Variants in SCNN1B observed in about 807,000 individuals in gnomAD.
SCNN1B encodes epithelial sodium channel subunit beta.
In SCNN1B, 46 loss-of-function variants were observed where a neutral mutation model predicts 65.3. The observed-to-expected ratio is 0.70, with a 90% confidence interval of 0.56 to 0.90. SCNN1B has a LOEUF of 0.90. Among genes scored for constraint, SCNN1B ranks in the 40% least tolerant of loss-of-function variants. The probability of loss-of-function intolerance (pLI) is 0.00; values close to 1 mark genes in which losing one functional copy is unlikely to be tolerated. For missense variants in SCNN1B, 751 were observed against 830.5 expected, an observed-to-expected ratio of 0.90 and a Z score of 1.18; for synonymous variants, 349 against 330.6, an observed-to-expected ratio of 1.06 and a Z score of -0.60.
At chr16:23,313,813 T>C (rs1255964829) in intron 1 of SCNN1B, among the ~76,000 whole-genome samples, 1 of 152,202 alleles carries the variant, frequency 6.6e-6, no homozygotes, top group East Asian at 1.9e-4. Context: ...GGTTTCTCCA[T>C]GTTGGCCAGG....
chr16:23,370,308 G>T (rs181279521), intron 5 of SCNN1B, among the ~76,000 whole-genome samples: 133 of 152,224 alleles, frequency 8.7e-4, no homozygotes, highest in African/African-American at 3.1e-3. Flanking sequence ...GTTTCACCAT[G>T]TTAGCCAGGT....
chr16:23,370,128 T>C (rs762188584), intron 5 of SCNN1B, among the ~76,000 whole-genome samples: 7 of 151,692 alleles, frequency 4.6e-5, no homozygotes, highest in South Asian at 2.1e-4. Context: ...TATTTTGATA[T>C]GGAGTTTTGC....
intron 4 of SCNN1B, among the ~76,000 whole-genome samples, chr16:23,362,781 T>C (rs1425509155): frequency 3.5e-4 from 54 of 152,248 alleles, no homozygotes. Flanking sequence ...AGACAGTTCC[T>C]TGGGAACACT....
At chr16:23,358,278 T>C (rs1005669771) in intron 4 of SCNN1B, 4 of 152,238 alleles carry the variant, frequency 2.6e-5, no homozygotes, top group African/African-American at 9.7e-5. Context: ...AATAGCTGGC[T>C]GATGGGCCAC....
intron 2 of SCNN1B, among the ~76,000 whole-genome samples, chr16:23,284,222 T>G (rs527790360): frequency 2.6e-5 from 4 of 152,120 alleles, no homozygotes; most frequent in Non-Finnish European, 5.9e-5. Flanking sequence ...CTGGCCAACA[T>G]GGCGAAAACC....
chr16:23,328,718 T>C (rs1012583110), intron 1 of SCNN1B, among the ~76,000 whole-genome samples: 11 of 152,208 alleles, frequency 7.2e-5, no homozygotes, highest in Non-Finnish European at 1.5e-4. Context: ...TGCAACAATT[T>C]GGTTAAATGC....
intron 4 of SCNN1B, among the ~76,000 whole-genome samples, chr16:23,359,044 A>T (rs2142026082): frequency 6.6e-6 from 1 of 152,254 alleles, no homozygotes. Flanking sequence ...AATTGCTTTC[A>T]CTCTGGCAAC....
chr16:23,349,095 T>C (rs775349537), intron 2 of SCNN1B, among the ~76,000 whole-genome samples, 185 bp downstream of exon 2: 25 of 152,172 alleles, frequency 1.6e-4, no homozygotes, highest in Middle Eastern at 3.4e-3. Flanking sequence ...TTCCCTTTCT[T>C]TTTTCTTTTC....
upstream of SCNN1B, among the ~76,000 whole-genome samples, chr16:23,300,738 A>C (rs1961063694): frequency 6.6e-6 from 1 of 152,170 alleles, no homozygotes; most frequent in Admixed American, 6.6e-5. Context: ...CAGCTAAGGC[A>C]GGAAGATGGC....
upstream of SCNN1B, among the ~76,000 whole-genome samples, chr16:23,298,129 TG>T (rs151313234): frequency 0.043 from 6,594 of 152,276 alleles, 178 homozygotes; most frequent in Non-Finnish European, 0.062. Context: ...GAACATTTTT[TG>T]GGGGGTCCCT....
chr16:23,293,915 C>T (rs1335391775), intron 2 of SCNN1B, among the ~76,000 whole-genome samples: 1 of 151,992 alleles, frequency 6.6e-6, no homozygotes, highest in African/African-American at 2.4e-5. Flanking sequence ...CAGAGTGAAA[C>T]CCTGTCTTAA....
chr16:23,299,401 C>A (rs573458455), upstream of SCNN1B, among the ~76,000 whole-genome samples: 5 of 152,120 alleles, frequency 3.3e-5, no homozygotes, highest in Non-Finnish European at 7.4e-5. Context: ...CAAATATCAA[C>A]AATTTTATAT....
At chr16:23,316,044 T>TCGC (rs1180660933) in intron 1 of SCNN1B, among the ~76,000 whole-genome samples, 7 of 149,142 alleles carry the variant, frequency 4.7e-5, no homozygotes, top group African/African-American at 1.2e-4. Context: ...ATCGCCACCA[T>TCGC]CACCATCACC....
At chr16:23,315,608 A>C (rs1192874022) in intron 1 of SCNN1B, among the ~76,000 whole-genome samples, 1 of 152,104 alleles carries the variant, frequency 6.6e-6, no homozygotes, top group East Asian at 1.9e-4. Flanking sequence ...GTTTGAGACC[A>C]GCCTGCCTGG....
At chr16:23,317,787 G>A (rs1339475561) in intron 1 of SCNN1B, among the ~76,000 whole-genome samples, 7 of 152,230 alleles carry the variant, frequency 4.6e-5, no homozygotes, top group Non-Finnish European at 1.5e-5. Flanking sequence ...GGAATCCTGA[G>A]TGTCTTGCCT....
At chr16:23,375,431 C>T (rs749494094) in intron 7 of SCNN1B, among the ~76,000 whole-genome samples, 1 of 151,976 alleles carries the variant, frequency 6.6e-6, no homozygotes, top group Non-Finnish European at 1.5e-5. Context: ...TAGGGGCAAG[C>T]CGCTCTTCCC....
chr16:23,376,029 G>A (rs1422110496), intron 8 of SCNN1B, among the ~76,000 whole-genome samples, 174 bp downstream of exon 8: 1 of 152,244 alleles, frequency 6.6e-6, no homozygotes, highest in African/African-American at 2.4e-5. Context: ...CCTTTCTGCA[G>A]GAGCCCAGCC....
intron 4 of SCNN1B, among the ~76,000 whole-genome samples, chr16:23,358,749 A>T (rs910736509): frequency 6.6e-6 from 1 of 152,128 alleles, no homozygotes; most frequent in Non-Finnish European, 1.5e-5. Flanking sequence ...TCTACTAAAT[A>T]TACAAAAATT....
intron 1 of SCNN1B, among the ~76,000 whole-genome samples, chr16:23,308,249 G>T (rs1426641769): frequency 6.6e-6 from 1 of 152,132 alleles, no homozygotes; most frequent in Non-Finnish European, 1.5e-5. Context: ...CAAGCCGGGT[G>T]CAGTGGCTCC....
Sources: gnomAD v4.1 joint callset for allele counts (sites outside exome capture counted in the v4.1 genomes callset) on GRCh38, gnomAD v4.1.1 for gene constraint, MANE v1.5 for transcripts, NCBI Gene and HGNC (gene_info 2026-07-23, HGNC 2026-07-21) for gene names.